Variants in CDH8 observed in about 807,000 individuals in gnomAD.
CDH8 encodes cadherin 8, also known as cadherin-8.
Under a neutral mutation model 68.1 loss-of-function variants are expected in CDH8, and 17 were observed. The observed-to-expected ratio is 0.25, with a 90% CI of 0.17 to 0.37. The LOEUF is 0.37. Among genes scored for constraint, CDH8 ranks in the 10% least tolerant of loss-of-function variants. The pLI, the probability that CDH8 is intolerant of heterozygous loss-of-function variation, is 1.00. For synonymous variants in CDH8, 372 were observed against 365.1 expected (o/e 1.02, Z -0.21); for missense variants, 763 against 999.3 (o/e 0.76, Z 3.19).
At chr16:61,778,303 T>C (rs112024491) in intron 8 of CDH8, among the ~76,000 whole-genome samples, 35 of 152,264 alleles carry the variant, frequency 2.3e-4, no homozygotes, top group African/African-American at 8.4e-4. Flanking sequence ...ACAATCTTGA[T>C]ATAAAATCTA....
intron 2 of CDH8, among the ~76,000 whole-genome samples, chr16:62,020,525 C>A (rs1344994148): frequency 1.4e-5 from 2 of 146,098 alleles, no homozygotes; most frequent in Non-Finnish European, 3.0e-5. Flanking sequence ...CACACACACA[C>A]TCCACTAAAC....
chr16:62,013,261 CAAAAAAAA>C (rs1165564723), intron 2 of CDH8, among the ~76,000 whole-genome samples: 8 of 6,404 alleles, frequency 1.2e-3, no homozygotes, highest in African/African-American at 5.9e-3. Context: ...GACTCCGTCT[CAAAAAAAA>C]AAAAAAAAAA....
intron 7 of CDH8, among the ~76,000 whole-genome samples, chr16:61,791,576 A>G (rs1052974531): frequency 1.3e-5 from 2 of 151,968 alleles, no homozygotes; most frequent in Non-Finnish European, 2.9e-5. Flanking sequence ...CACTGCTGAT[A>G]TTTCACACAT....
intron 2 of CDH8, among the ~76,000 whole-genome samples, chr16:61,906,517 G>C (rs912243456): frequency 6.6e-6 from 1 of 152,182 alleles, no homozygotes; most frequent in African/African-American, 2.4e-5. Context: ...TGAATTGTGT[G>C]TATCAGCACC....
intron 8 of CDH8, among the ~76,000 whole-genome samples, chr16:61,782,249 A>T (rs2142992535): frequency 6.6e-6 from 1 of 152,304 alleles, no homozygotes; most frequent in East Asian, 1.9e-4. Context: ...CCGCGAGCCG[A>T]AGCAGGGCGA....
intron 9 of CDH8, among the ~76,000 whole-genome samples, chr16:61,718,155 T>C (rs1959193756): frequency 6.6e-6 from 1 of 151,416 alleles, no homozygotes; most frequent in Middle Eastern, 3.2e-3. Context: ...TTCTGTTAAA[T>C]TGGGGCTTAG....
At chr16:61,815,314 T>C (rs2142999750) in intron 7 of CDH8, among the ~76,000 whole-genome samples, 1 of 152,302 alleles carries the variant, frequency 6.6e-6, no homozygotes, top group South Asian at 2.1e-4. Flanking sequence ...TAATAATAAC[T>C]AGCAACTACA....
chr16:62,001,798 A>T (rs10163452), intron 2 of CDH8, among the ~76,000 whole-genome samples: 9,857 of 151,942 alleles, frequency 0.065, 847 homozygotes, highest in African/African-American at 0.2. Flanking sequence ...ATTAGGTATA[A>T]CTCCTAATGC....
At chr16:61,972,191 T>C (rs1965351054) in intron 2 of CDH8, among the ~76,000 whole-genome samples, 1 of 152,174 alleles carries the variant, frequency 6.6e-6, no homozygotes, top group Non-Finnish European at 1.5e-5. Context: ...CCTGCCACCA[T>C]GTAAGATGTG....
intron 8 of CDH8, among the ~76,000 whole-genome samples, chr16:61,740,933 G>A (rs1052993307): frequency 1.3e-5 from 2 of 152,086 alleles, no homozygotes; most frequent in South Asian, 2.1e-4. Flanking sequence ...TACAGGTCAT[G>A]CATACATTCA....
At chr16:62,013,118 G>T (rs555947419) in intron 2 of CDH8, among the ~76,000 whole-genome samples, 2 of 83,738 alleles carry the variant, frequency 2.4e-5, no homozygotes, top group African/African-American at 8.4e-5. Context: ...AGCCGGGCGC[G>T]GTGGCGGGCG....
chr16:61,742,783 C>A (rs1959911988), intron 8 of CDH8, among the ~76,000 whole-genome samples: 1 of 152,064 alleles, frequency 6.6e-6, no homozygotes, highest in Non-Finnish European at 1.5e-5. Flanking sequence ...AAATTCTCAT[C>A]AGGTTTTAGC....
At chr16:61,821,159 T>C (rs1429728797) in intron 5 of CDH8, 46 bp from the exon 6 acceptor site, 2 of 1,439,846 alleles carry the variant, frequency 1.4e-6, no homozygotes, top group Non-Finnish European at 9.6e-7. Context: ...ATTCCAACCA[T>C]TCATTCATTC....
At chr16:61,842,202 C>G (rs1962702600) in intron 4 of CDH8, among the ~76,000 whole-genome samples, 1 of 152,026 alleles carries the variant, frequency 6.6e-6, no homozygotes, top group African/African-American at 2.4e-5. Context: ...CCACCGCACC[C>G]AGCCAGAAAT....
intron 2 of CDH8, among the ~76,000 whole-genome samples, chr16:62,005,985 T>C (rs1239230944): frequency 6.6e-6 from 1 of 152,160 alleles, no homozygotes; most frequent in Non-Finnish European, 1.5e-5. Context: ...TAGGGCAACC[T>C]GGAACTGCAG....
At chr16:61,841,642 AT>A (rs1260568955) in intron 4 of CDH8, among the ~76,000 whole-genome samples, 1 of 152,132 alleles carries the variant, frequency 6.6e-6, no homozygotes, top group African/African-American at 2.4e-5. Flanking sequence ...TAATAACTTA[AT>A]TGTACATTTT....
intron 2 of CDH8, among the ~76,000 whole-genome samples, chr16:62,015,230 G>A (rs1430696539): frequency 6.6e-6 from 1 of 152,080 alleles, no homozygotes; most frequent in African/African-American, 2.4e-5. Flanking sequence ...ATGTGTGTAA[G>A]GTAAATATGA....
chr16:61,902,298 A>G (rs982645506), intron 2 of CDH8, among the ~76,000 whole-genome samples: 7 of 152,138 alleles, frequency 4.6e-5, no homozygotes, highest in Admixed American at 1.3e-4. Context: ...TAGTCTGCCT[A>G]AAACATTTTG....
chr16:61,869,215 C>G (rs1963311837), intron 3 of CDH8, among the ~76,000 whole-genome samples: 1 of 152,104 alleles, frequency 6.6e-6, no homozygotes, highest in Non-Finnish European at 1.5e-5. Context: ...TGTTCCTGGT[C>G]TTGGAGTACC....
Sources: allele counts gnomAD v4.1 joint callset (sites outside exome capture counted in the v4.1 genomes callset), GRCh38; gene constraint gnomAD v4.1.1; transcripts MANE v1.5; gene names NCBI Gene and HGNC (gene_info 2026-07-23, HGNC 2026-07-21).